Variants in COL12A1 observed in about 807,000 individuals in gnomAD.
The protein encoded by COL12A1 is collagen type XII alpha 1 chain.
COL12A1 carries 114 observed loss-of-function variants against 349.7 expected under a neutral mutation model. The observed-to-expected ratio is 0.33, with a 90% CI of 0.28 to 0.38. The LOEUF (loss-of-function observed/expected upper bound fraction) is 0.38, where lower values mean the gene tolerates loss of function less well. Among genes scored for constraint, COL12A1 ranks in the 10% least tolerant of loss-of-function variants. The pLI, the probability that COL12A1 is intolerant of heterozygous loss-of-function variation, is 1.00. For synonymous variants in COL12A1, 1,369 were observed against 1,329.0 expected, an observed-to-expected ratio of 1.03 and a Z score of -0.66; for missense variants, 3,284 against 3,756.9, an observed-to-expected ratio of 0.87 and a Z score of 3.29.
chr6:75,169,595 T>A (rs1481627856), intron 13 of COL12A1, among the ~76,000 whole-genome samples: 1 of 152,130 alleles, frequency 6.6e-6, no homozygotes, highest in Non-Finnish European at 1.5e-5. Context: ...GTGCTGGGGT[T>A]TGTTTAGGGT....
At chr6:75,198,715 G>A (rs1211357791) in intron 2 of COL12A1, among the ~76,000 whole-genome samples, 3 of 152,156 alleles carry the variant, frequency 2.0e-5, no homozygotes, top group African/African-American at 7.2e-5. Flanking sequence ...ATGAAGGGAA[G>A]GATGGATAGA....
chr6:75,174,352 C>A (rs541568571), intron 13 of COL12A1, among the ~76,000 whole-genome samples: 1 of 152,002 alleles, frequency 6.6e-6, no homozygotes, highest in East Asian at 1.9e-4. Context: ...GTCAGGAGAT[C>A]GAGATCATCC....
intron 43 of COL12A1, 140 bp from the exon 44 acceptor site, chr6:75,121,581 T>G: frequency 9.9e-7 from 1 of 1,007,336 alleles, no homozygotes; most frequent in Non-Finnish European, 1.4e-6. Flanking sequence ...GGGAGCTTGT[T>G]AGAAATGCAG....
rs530557531 is a variant in COL12A1 at position 75,183,624 on chromosome 6, G to A, written c.1317C>T (p.Ala439=). 1.8e-5 allele frequency: 29 copies of A among 1,611,646 alleles called. No individual in the cohort carries two copies. In the East Asian group the frequency reaches 2.7e-4, roughly 15 times the overall value. Reference sequence around the variant, plus strand: ...AGCCATCAACCAAAAACACAATATCGGCTTTTATATCCACACCACGTGAGC... The same window carrying A: ...AGCCATCAACCAAAAACACAATATCAGCTTTTATATCCACACCACGTGAGC... The part of the protein sequence containing the change: ...VECSRGVDIK[A]DIVFLVDGSY... The change falls in exon 10 of 66, where the codon GCC becomes GCT. Residue 439 remains alanine, a synonymous_variant. Coordinates refer to ENST00000322507, the MANE Select transcript of COL12A1 (RefSeq NM_004370.6).
chr6:75,139,079 T>C, intron 27 of COL12A1, 118 bp from the exon 28 acceptor site: 1 of 1,179,320 alleles, frequency 8.5e-7, no homozygotes, highest in Non-Finnish European at 1.2e-6. Context: ...ATTGAATACA[T>C]TGCTTAGAAC....
At chr6:75,093,831 G>T (rs1268173457) in intron 60 of COL12A1, among the ~76,000 whole-genome samples, 1 of 151,998 alleles carries the variant, frequency 6.6e-6, no homozygotes, top group East Asian at 1.9e-4. Context: ...TCAAGTAATA[G>T]CTGTAGACAT....
intron 14 of COL12A1, among the ~76,000 whole-genome samples, chr6:75,160,479 A>G (rs1767979055): frequency 6.6e-6 from 1 of 152,216 alleles, no homozygotes; most frequent in Non-Finnish European, 1.5e-5. Context: ...GGATTCCTCT[A>G]CCATCTGAAT....
chr6:75,159,271 T>G (rs1767911830), intron 14 of COL12A1, among the ~76,000 whole-genome samples: 1 of 151,068 alleles, frequency 6.6e-6, no homozygotes, highest in Admixed American at 6.6e-5. Context: ...GGCTGCAATT[T>G]TTATTTTTAG....
intron 44 of COL12A1, 151 bp downstream of exon 44, chr6:75,121,151 T>A: frequency 1.6e-6 from 1 of 617,202 alleles, no homozygotes; most frequent in Non-Finnish European, 2.5e-6. Context: ...TTATACCCAA[T>A]TCCCTCCCAA....
intron 60 of COL12A1, among the ~76,000 whole-genome samples, chr6:75,092,864 T>C (rs1422850385): frequency 6.6e-6 from 1 of 152,236 alleles, no homozygotes. Flanking sequence ...CCTAGCTATC[T>C]GACCTCATAT....
intron 1 of COL12A1, among the ~76,000 whole-genome samples, chr6:75,203,054 T>C (rs997263185): frequency 6.6e-6 from 1 of 152,174 alleles, no homozygotes. Flanking sequence ...AGGGTCCTGT[T>C]CTCCTGGAGA....
At chr6:75,204,890 T>C (rs1770703828) in intron 1 of COL12A1, among the ~76,000 whole-genome samples, 1 of 152,110 alleles carries the variant, frequency 6.6e-6, no homozygotes, top group Non-Finnish European at 1.5e-5. Context: ...TTTCCTGCCC[T>C]ATCCTTCCCC....
chr6:75,149,093 C>T (rs1322737539), intron 21 of COL12A1, among the ~76,000 whole-genome samples: 2 of 152,160 alleles, frequency 1.3e-5, no homozygotes, highest in African/African-American at 4.8e-5. Context: ...TCAATCAAAC[C>T]TCTTTCCTTT....
At chr6:75,137,633 T>G (rs1467403801) in intron 30 of COL12A1, 54 bp from the exon 31 acceptor site, 2 of 1,589,150 alleles carry the variant, frequency 1.3e-6, no homozygotes, top group African/African-American at 2.7e-5. Context: ...TGCCTCCCCC[T>G]AAAATATATA....
chr6:75,181,934 A>C (rs1769326660), intron 10 of COL12A1, among the ~76,000 whole-genome samples: 1 of 152,018 alleles, frequency 6.6e-6, no homozygotes, highest in Non-Finnish European at 1.5e-5. Flanking sequence ...TACCAAAAAA[A>C]AAAACAGAAA....
At position 75,121,162 on chromosome 6, in the gene COL12A1, A is replaced by G. The variant is rs1765706724; in HGVS notation, c.7086+140T>C. The G allele has an allele frequency of 1.2e-5, 9 of 730,372 alleles. No homozygotes were observed. The East Asian group carries it at 2.8e-4, about 23-fold the overall frequency. The allele number at this position is 730,372 out of a possible 1,614,324, so 45.2% of individuals were successfully genotyped here. On this transcript the variant is annotated intron_variant, in intron 44 of 65. Transcript: ENST00000322507. ...TCATTTATACCCAATTCCCTCCCAAAAATACATGAATAAAAGAAATAGCAA... is the reference window on the plus strand; with the variant it reads ...TCATTTATACCCAATTCCCTCCCAAGAATACATGAATAAAAGAAATAGCAA...
intron 34 of COL12A1, 68 bp from the exon 35 acceptor site, chr6:75,132,150 T>C (rs1023132650): frequency 1.2e-5 from 19 of 1,545,982 alleles, no homozygotes; most frequent in Admixed American, 1.7e-5. Context: ...TGTATCACTT[T>C]TCCAGAACCT....
intron 3 of COL12A1, among the ~76,000 whole-genome samples, chr6:75,193,866 G>A (rs1309051604): frequency 6.6e-6 from 1 of 152,098 alleles, no homozygotes; most frequent in African/African-American, 2.4e-5. Flanking sequence ...TAAGAATGAT[G>A]GTTTCCAGCT....
chr6:75,182,233 T>C (rs917656383), intron 10 of COL12A1, among the ~76,000 whole-genome samples: 3 of 138,332 alleles, frequency 2.2e-5, no homozygotes, highest in Admixed American at 1.5e-4. Context: ...TATAATACTT[T>C]GAGTTCTGGG....
Sources: gnomAD v4.1 joint callset for allele counts (sites outside exome capture counted in the v4.1 genomes callset) on GRCh38, gnomAD v4.1.1 for gene constraint, MANE v1.5 for transcripts, NCBI Gene and HGNC (gene_info 2026-07-23, HGNC 2026-07-21) for gene names.